Variants in PTPN9 observed in about 807,000 individuals in gnomAD.
PTPN9 encodes the protein protein tyrosine phosphatase non-receptor type 9.
In PTPN9, 26 loss-of-function variants were observed where a neutral mutation model predicts 69.8. That is an observed-to-expected ratio of 0.37 (90% CI 0.27 to 0.52). The LOEUF is 0.52. Ranked by LOEUF, PTPN9 falls within the 20% of genes least tolerant of loss-of-function variation. The pLI is 0.91. For missense variants in PTPN9, 549 were observed against 740.3 expected (o/e 0.74, Z 3.00); for synonymous variants, 274 against 272.5 (o/e 1.01, Z -0.05).
At chr15:75,485,635 G>T (rs1445896808) in intron 8 of PTPN9, among the ~76,000 whole-genome samples, 1 of 150,564 alleles carries the variant, frequency 6.6e-6, no homozygotes, top group Non-Finnish European at 1.5e-5. Context: ...CTCCCAAAGT[G>T]CTGGGATTAC....
intron 3 of PTPN9, among the ~76,000 whole-genome samples, chr15:75,523,724 A>G (rs1297958185): frequency 2.0e-5 from 3 of 152,214 alleles, no homozygotes; most frequent in African/African-American, 7.2e-5. Flanking sequence ...TCTCCCAAAG[A>G]CCATGACTAA....
intron 1 of PTPN9, among the ~76,000 whole-genome samples, chr15:75,530,479 A>T (rs1483628671): frequency 4.1e-5 from 4 of 98,458 alleles, no homozygotes; most frequent in Non-Finnish European, 5.6e-5. Context: ...TAATAATAAA[A>T]ATATATATTA....
At position 75,505,806 on chromosome 15, in the gene PTPN9, A is replaced by G. The variant is rs2074816585; in HGVS notation, c.837T>C (p.His279=). Residue 279 remains histidine, a synonymous_variant, in exon 7 of 13, where the codon CAT becomes CAC. Coordinates refer to ENST00000618819, the MANE Select transcript of PTPN9 (RefSeq NM_002833.4). ...LPPALDWDSV[H]VPGPHAMTIQ... The stretch of plus-strand genomic sequence containing the variant: ...TGGTCATAGCATGGGGACCTGGAAC[A>G]TGTACTGAGTCCCAGTCTAAGGCAG... The G allele has an allele frequency of 6.2e-7, 1 of 1,614,130 alleles. No homozygotes were observed.
chr15:75,517,191 A>G, intron 5 of PTPN9, 68 bp downstream of exon 5: 7 of 1,211,310 alleles, frequency 5.8e-6, no homozygotes, highest in Non-Finnish European at 8.1e-6. Context: ...ATCTTTTCCC[A>G]AAGAATTAAA....
Position 75,482,161 on chromosome 15 carries a change from C to G in PTPN9, c.1063-2247G>C, listed in dbSNP as rs552367918. On this transcript the variant is annotated intron_variant, in intron 8 of 12. Transcript: ENST00000618819. Reference sequence around the variant, plus strand: ...TCCTGTTGATCTGTGACCTTACCCCCAACCCTGTGCTCTCTGAAACATGTG... The same window carrying G: ...TCCTGTTGATCTGTGACCTTACCCCGAACCCTGTGCTCTCTGAAACATGTG... Among the ~76,000 whole-genome samples, 4 of 151,666 alleles carry G rather than the reference C, an allele frequency of 2.6e-5. No homozygotes were observed. In the South Asian group the frequency reaches 8.3e-4, roughly 32 times the overall value.
intron 1 of PTPN9, among the ~76,000 whole-genome samples, chr15:75,534,436 G>C (rs2074974622): frequency 6.6e-6 from 1 of 152,138 alleles, no homozygotes; most frequent in South Asian, 2.1e-4. Context: ...CACTTTGGAA[G>C]GCCAAGGTGG....
intron 2 of PTPN9, among the ~76,000 whole-genome samples, chr15:75,525,796 G>C (rs2074924892): frequency 6.6e-6 from 1 of 151,476 alleles, no homozygotes. Context: ...GTGCATGCCT[G>C]TGGTCCCAGC....
intron 1 of PTPN9, among the ~76,000 whole-genome samples, chr15:75,561,011 T>TA (rs796878296): frequency 3.3e-3 from 413 of 125,010 alleles, no homozygotes; most frequent in African/African-American, 0.01. Context: ...AGAGTGAGAG[T>TA]AAAAAAAAAA....
intron 1 of PTPN9, among the ~76,000 whole-genome samples, chr15:75,560,008 C>CA (rs747053698): frequency 3.3e-5 from 5 of 151,760 alleles, no homozygotes; most frequent in Non-Finnish European, 7.4e-5. Context: ...GGCATGGTGG[C>CA]ATGTGCCTGT....
chr15:75,506,360 GGTA>G (rs1040450444), intron 6 of PTPN9, among the ~76,000 whole-genome samples: 1 of 152,154 alleles, frequency 6.6e-6, no homozygotes, highest in African/African-American at 2.4e-5. Context: ...AGAATGCATA[GGTA>G]GTAGTTATTT....
intron 1 of PTPN9, among the ~76,000 whole-genome samples, chr15:75,569,935 C>A (rs946572626): frequency 8.6e-5 from 13 of 151,922 alleles, no homozygotes; most frequent in African/African-American, 3.1e-4. Flanking sequence ...ATTCTCCTGC[C>A]TCAGCCTCCC....
chr15:75,550,258 C>T (rs1255527739), intron 1 of PTPN9, among the ~76,000 whole-genome samples: 2 of 149,418 alleles, frequency 1.3e-5, no homozygotes, highest in African/African-American at 2.4e-5. Context: ...CTCCACCTCC[C>T]GGATTCAAGC....
At chr15:75,539,433 C>T (rs565315687) in intron 1 of PTPN9, among the ~76,000 whole-genome samples, 1 of 151,554 alleles carries the variant, frequency 6.6e-6, no homozygotes, top group South Asian at 2.1e-4. Flanking sequence ...CCTGCCTCAG[C>T]CTCCCAAGAA....
At chr15:75,480,365 G>A (rs867830644) in intron 8 of PTPN9, among the ~76,000 whole-genome samples, 2 of 152,258 alleles carry the variant, frequency 1.3e-5, no homozygotes, top group African/African-American at 2.4e-5. Flanking sequence ...AGCACTTTGG[G>A]AGGCCGAGGA....
chr15:75,495,879 T>G (rs1175736908), intron 7 of PTPN9, among the ~76,000 whole-genome samples: 1 of 152,160 alleles, frequency 6.6e-6, no homozygotes, highest in Non-Finnish European at 1.5e-5. Context: ...GGCTCATTCC[T>G]GTAATCCCAG....
chr15:75,530,907 TTATAA>T (rs376680328), intron 1 of PTPN9, among the ~76,000 whole-genome samples: 1,554 of 110,560 alleles, frequency 0.014, 16 homozygotes, highest in Non-Finnish European at 0.021. Context: ...ATATTATATA[TTATAA>T]TATATATTTT....
At chr15:75,499,312 G>C (rs1245474549) in intron 7 of PTPN9, among the ~76,000 whole-genome samples, 1 of 151,572 alleles carries the variant, frequency 6.6e-6, no homozygotes, top group Non-Finnish European at 1.5e-5. Context: ...GCAAGACTAG[G>C]AAGTCCTCTC....
chr15:75,532,190 G>C (rs1595963106), intron 1 of PTPN9, among the ~76,000 whole-genome samples: 1 of 151,892 alleles, frequency 6.6e-6, no homozygotes, highest in African/African-American at 2.4e-5. Context: ...TGAGGTCAGG[G>C]GTTCGAGACC....
intron 1 of PTPN9, among the ~76,000 whole-genome samples, chr15:75,555,733 G>T (rs1270933568): frequency 1.3e-5 from 2 of 151,824 alleles, no homozygotes; most frequent in African/African-American, 4.8e-5. Context: ...TCGAACTACT[G>T]GCCTCAAGTA....
Sources: gnomAD v4.1 joint callset for allele counts (sites outside exome capture counted in the v4.1 genomes callset) on GRCh38, gnomAD v4.1.1 for gene constraint, MANE v1.5 for transcripts, NCBI Gene and HGNC (gene_info 2026-07-23, HGNC 2026-07-21) for gene names.